The following COA6 variants were observed in gnomAD, a reference collection of about 807,000 sequenced individuals.
COA6 encodes the protein cytochrome c oxidase assembly factor 6.
Under a neutral mutation model 17.1 loss-of-function variants are expected in COA6, and 12 were observed. The ratio of observed to expected loss-of-function variants is 0.70; its 90% CI spans 0.45 to 1.14. The LOEUF (loss-of-function observed/expected upper bound fraction) is 1.14. COA6 is among the 50% of genes most tolerant of loss of function. The probability of loss-of-function intolerance (pLI) is 0.00; values close to 1 mark genes in which losing one functional copy is unlikely to be tolerated. For synonymous variants in COA6, 90 were observed against 73.4 expected (o/e 1.23, Z -1.16); for missense variants, 246 against 196.5 (o/e 1.25, Z -1.51).
intron 2 of COA6, among the ~76,000 whole-genome samples, chr1:234,378,275 T>G (rs141940843): frequency 2.0e-5 from 3 of 152,170 alleles, no homozygotes; most frequent in Non-Finnish European, 4.4e-5. Context: ...TCCACAAATA[T>G]CTATTGAGCA....
At chr1:234,381,026 T>A (rs546543019) in intron 2 of COA6, among the ~76,000 whole-genome samples, 18 of 152,270 alleles carry the variant, frequency 1.2e-4, no homozygotes, top group Admixed American at 1.0e-3. Flanking sequence ...AAGGCTCCTA[T>A]TGTTCCTAAC....
At chr1:234,381,354 A>G (rs1197130028) in intron 2 of COA6, among the ~76,000 whole-genome samples, 3 of 152,144 alleles carry the variant, frequency 2.0e-5, no homozygotes, top group Non-Finnish European at 4.4e-5. Context: ...GGTGATGGCT[A>G]GGGAGGAGAG....
At chr1:234,377,421 G>A (rs1225265188) in intron 2 of COA6, among the ~76,000 whole-genome samples, 4 of 151,976 alleles carry the variant, frequency 2.6e-5, no homozygotes, top group Non-Finnish European at 4.4e-5. Flanking sequence ...CACTGCACCC[G>A]GCTCTTCCTC....
chr1:234,383,597 C>CACA (rs952851914), intron 2 of COA6, 126 bp from the exon 3 acceptor site: 2 of 582,374 alleles, frequency 3.4e-6, no homozygotes, highest in African/African-American at 3.8e-5. Flanking sequence ...CACACACACA[C>CACA]AAAATGGTTC....
intron 2 of COA6, among the ~76,000 whole-genome samples, chr1:234,376,187 C>G (rs938237445): frequency 9.2e-5 from 14 of 152,180 alleles, no homozygotes; most frequent in Admixed American, 9.2e-4. Context: ...AGTTCCCCTT[C>G]GATCCCACTT....
chr1:234,373,774 C>G, intron 1 of COA6, 96 bp downstream of exon 1: 4 of 1,613,786 alleles, frequency 2.5e-6, no homozygotes, highest in Non-Finnish European at 2.5e-6. Flanking sequence ...TTGTGCAAAA[C>G]GGGGTGGCAC....
chr1:234,373,717 C>G (rs1356736389), intron 1 of COA6, 39 bp downstream of exon 1: 2 of 1,613,862 alleles, frequency 1.2e-6, no homozygotes, highest in Non-Finnish European at 1.7e-6. Flanking sequence ...CGCGCGTGGA[C>G]TATGGGCCCG....
chr1:234,374,168 CCTTAT>C (rs761222627), intron 1 of COA6, 57 bp from the exon 2 acceptor site: 98 of 1,358,602 alleles, frequency 7.2e-5, no homozygotes, highest in Admixed American at 9.1e-5. Flanking sequence ...TTTCCTCTTT[CCTTAT>C]CTTCTCTTCA....
chr1:234,373,997 C>T, intron 1 of COA6: 1 of 1,020,772 alleles, frequency 9.8e-7, no homozygotes, highest in Non-Finnish European at 1.4e-6. Context: ...CAGCAGGGAT[C>T]AAATCACACA....
At chr1:234,377,239 G>A (rs914270236) in intron 2 of COA6, among the ~76,000 whole-genome samples, 5 of 151,768 alleles carry the variant, frequency 3.3e-5, no homozygotes, top group African/African-American at 1.2e-4. Flanking sequence ...CAGTTCTCCT[G>A]CCTCAGCCTC....
At chr1:234,375,908 G>C (rs892096614) in intron 2 of COA6, among the ~76,000 whole-genome samples, 3 of 152,072 alleles carry the variant, frequency 2.0e-5, no homozygotes, top group African/African-American at 7.2e-5. Context: ...TTCCCACCTC[G>C]ACCTCCCAAA....
rs116771211 is a variant in COA6 at position 234,384,565 on chromosome 1, C to T, written c.*747C>T. ...AACTGGAATTTAAAACTTAAAAATACCATTTGTGAATAGCACCAAAAAAAA... is the reference window on the plus strand; with the variant it reads ...AACTGGAATTTAAAACTTAAAAATATCATTTGTGAATAGCACCAAAAAAAA... On this transcript the variant is annotated 3_prime_UTR_variant, in exon 3 of 3. Transcript: ENST00000366615. Among the ~76,000 whole-genome samples the T allele has an allele frequency of 8.7e-3, 1,321 of 152,164 alleles. 16 individuals are homozygous for T. Among genetic ancestry groups the T allele is most frequent in the African/African-American group, 0.029 (1,194 of 41,492 alleles).
rs754313985 is a variant in COA6 at position 234,373,548 on chromosome 1, G to C, written c.82G>C (p.Glu28Gln). 5.6e-6 allele frequency: 9 copies of C among 1,611,776 alleles called. No homozygotes were observed. Among genetic ancestry groups the C allele is most frequent in the South Asian group, 1.1e-5 (1 of 90,986 alleles). Reference sequence around the variant, plus strand: ...GCGGCTGGGGAGGTCTACGCTTCTAGAGCTTGAGCCAGCGGGGCGACCCTG... The same window carrying C: ...GCGGCTGGGGAGGTCTACGCTTCTACAGCTTGAGCCAGCGGGGCGACCCTG... ...FLRLGRSTLL[E>Q]LEPAGRPCSG... is the part of the protein sequence containing the mutation. The change falls in exon 1 of 3, where the codon GAG becomes CAG. Residue 28 changes from glutamate to glutamine, a missense_variant. Physicochemically the swap from Glu to Gln is conservative, Grantham distance 29 (BLOSUM62 2). Transcript: ENST00000366615.
chr1:234,374,174 C>A, intron 1 of COA6, 56 bp from the exon 2 acceptor site: 1 of 1,358,522 alleles, frequency 7.4e-7, no homozygotes, highest in Non-Finnish European at 1.0e-6. Context: ...CTTTCCTTAT[C>A]TTCTCTTCAG....
intron 2 of COA6, among the ~76,000 whole-genome samples, chr1:234,383,064 G>GAGGGAGGGAGGGAGGGAGGGAAGGGA (rs1170468585): frequency 8.9e-6 from 1 of 112,424 alleles, no homozygotes; most frequent in African/African-American, 3.2e-5. Flanking sequence ...GGGAGGGAGG[G>GAGGGAGGGAGGGAGGGAGGGAAGGGA]AGGGAAGGGA....
At chr1:234,377,139 G>GTTGTTGTTT (rs1658831418) in intron 2 of COA6, among the ~76,000 whole-genome samples, 1 of 68,240 alleles carries the variant, frequency 1.5e-5, no homozygotes, top group African/African-American at 1.3e-4. Context: ...TTTTTTTGTT[G>GTTGTTGTTT]TTGTTGAGAC....
intron 2 of COA6, among the ~76,000 whole-genome samples, chr1:234,378,420 G>A (rs1015776335): frequency 6.6e-6 from 1 of 152,150 alleles, no homozygotes; most frequent in Non-Finnish European, 1.5e-5. Context: ...TAAGTGATAG[G>A]ATGAAAAATC....
intron 2 of COA6, among the ~76,000 whole-genome samples, chr1:234,382,699 A>C (rs751547121): frequency 5.3e-5 from 8 of 152,302 alleles, no homozygotes; most frequent in Non-Finnish European, 8.8e-5. Context: ...AATGAAGATG[A>C]ATTTAGAGTT....
chr1:234,374,638 A>C (rs545719512), intron 2 of COA6, among the ~76,000 whole-genome samples: 81 of 152,336 alleles, frequency 5.3e-4, no homozygotes, highest in Middle Eastern at 3.4e-3. Flanking sequence ...TAACCAAAAA[A>C]TTCCAGTTCA....
Sources: allele counts gnomAD v4.1 joint callset (sites outside exome capture counted in the v4.1 genomes callset), GRCh38; gene constraint gnomAD v4.1.1; transcripts MANE v1.5; gene names NCBI Gene and HGNC (gene_info 2026-07-23, HGNC 2026-07-21).